PRKCA: variants seen among roughly 807,000 people sequenced by gnomAD.
PRKCA encodes protein kinase C alpha.
PRKCA carries 27 observed loss-of-function variants against 87.0 expected under a neutral mutation model. The ratio of observed to expected loss-of-function variants is 0.31; its 90% CI spans 0.23 to 0.43. PRKCA has a LOEUF of 0.43. Among genes scored for constraint, PRKCA ranks in the 20% least tolerant of loss-of-function variants. The pLI, the probability that PRKCA is intolerant of heterozygous loss-of-function variation, is 1.00. For synonymous variants in PRKCA, 329 were observed against 311.1 expected, an observed-to-expected ratio of 1.06 and a Z score of -0.61; for missense variants, 518 against 852.3, an observed-to-expected ratio of 0.61 and a Z score of 4.88.
intron 2 of PRKCA, among the ~76,000 whole-genome samples, chr17:66,476,880 G>A (rs1395245551): frequency 2.0e-5 from 3 of 152,166 alleles, no homozygotes; most frequent in Non-Finnish European, 4.4e-5. Flanking sequence ...GGAATTACTT[G>A]TAGAGTGGGT....
At chr17:66,402,811 G>T (rs1911114301) in intron 2 of PRKCA, among the ~76,000 whole-genome samples, 1 of 152,224 alleles carries the variant, frequency 6.6e-6, no homozygotes, top group East Asian at 1.9e-4. Context: ...GAAGACACTG[G>T]AAGAGATGGG....
intron 4 of PRKCA, among the ~76,000 whole-genome samples, chr17:66,643,057 T>TA (rs1299810424): frequency 6.6e-6 from 1 of 151,554 alleles, no homozygotes; most frequent in South Asian, 2.1e-4. Flanking sequence ...ACTAGAAAAA[T>TA]AAAAAAAAGA....
chr17:66,578,942 A>G (rs1317780650), intron 3 of PRKCA, among the ~76,000 whole-genome samples: 1 of 152,156 alleles, frequency 6.6e-6, no homozygotes, highest in East Asian at 1.9e-4. Flanking sequence ...ACTGACTCTG[A>G]GAGTGCTCTC....
At chr17:66,487,208 C>G (rs1394199029) in intron 2 of PRKCA, among the ~76,000 whole-genome samples, 5 of 152,142 alleles carry the variant, frequency 3.3e-5, no homozygotes, top group African/African-American at 1.2e-4. Flanking sequence ...TCTTCCCAGC[C>G]TCTACTCGTT....
At chr17:66,590,335 CA>C (rs1969762153) in intron 3 of PRKCA, among the ~76,000 whole-genome samples, 1 of 152,174 alleles carries the variant, frequency 6.6e-6, no homozygotes, top group Non-Finnish European at 1.5e-5. Context: ...AGGTGAGCCA[CA>C]AAACCTCTTG....
chr17:66,665,990 C>T (rs979226498), intron 5 of PRKCA, among the ~76,000 whole-genome samples: 14 of 152,128 alleles, frequency 9.2e-5, no homozygotes, highest in African/African-American at 3.4e-4. Flanking sequence ...CCCTAGAGAC[C>T]AATTCCAATG....
intron 3 of PRKCA, among the ~76,000 whole-genome samples, chr17:66,566,479 G>GTTTTTT (rs368602635): frequency 0.017 from 1,242 of 73,412 alleles, 17 homozygotes; most frequent in South Asian, 0.023. Flanking sequence ...GTTGTTTTTT[G>GTTTTTT]GTTTTTTTTT....
At chr17:66,412,481 G>A (rs1418910508) in intron 2 of PRKCA, among the ~76,000 whole-genome samples, 1 of 152,178 alleles carries the variant, frequency 6.6e-6, no homozygotes, top group African/African-American at 2.4e-5. Context: ...AAGTTAAGGT[G>A]TCACTTCAAG....
At chr17:66,444,281 G>A (rs1470496514) in intron 2 of PRKCA, among the ~76,000 whole-genome samples, 1 of 152,222 alleles carries the variant, frequency 6.6e-6, no homozygotes, top group Non-Finnish European at 1.5e-5. Flanking sequence ...AGGCACTTCA[G>A]ATAGAGAGAA....
intron 16 of PRKCA, among the ~76,000 whole-genome samples, chr17:66,795,979 G>C (rs1234754745): frequency 6.6e-6 from 1 of 152,222 alleles, no homozygotes; most frequent in Non-Finnish European, 1.5e-5. Context: ...CTCCAGAAGA[G>C]AGTTTTCCCT....
chr17:66,497,308 A>T (rs1475122273), intron 3 of PRKCA, among the ~76,000 whole-genome samples: 1 of 151,868 alleles, frequency 6.6e-6, no homozygotes, highest in African/African-American at 2.4e-5. Flanking sequence ...GACCAGCCTG[A>T]CCAACATGGA....
At chr17:66,518,484 A>G (rs1232882036) in intron 3 of PRKCA, among the ~76,000 whole-genome samples, 2 of 152,198 alleles carry the variant, frequency 1.3e-5, no homozygotes, top group Non-Finnish European at 2.9e-5. Context: ...TTAAATAAGT[A>G]TAGTTTATTT....
At chr17:66,431,296 G>T (rs920497219) in intron 2 of PRKCA, among the ~76,000 whole-genome samples, 12 of 152,038 alleles carry the variant, frequency 7.9e-5, no homozygotes, top group African/African-American at 2.7e-4. Flanking sequence ...TATTTATTAG[G>T]GCTATTTAAT....
intron 11 of PRKCA, among the ~76,000 whole-genome samples, chr17:66,740,009 A>C (rs1974123164): frequency 6.6e-6 from 1 of 152,118 alleles, no homozygotes; most frequent in Non-Finnish European, 1.5e-5. Flanking sequence ...CTTGGAGCCA[A>C]AGAGGAATAA....
At chr17:66,484,661 A>G (rs1294947738) in intron 2 of PRKCA, among the ~76,000 whole-genome samples, 1 of 152,206 alleles carries the variant, frequency 6.6e-6, no homozygotes. Flanking sequence ...GCTTTTTATT[A>G]TGTACATTTT....
chr17:66,336,751 A>C (rs562850195), intron 2 of PRKCA, among the ~76,000 whole-genome samples: 1 of 116,430 alleles, frequency 8.6e-6, no homozygotes, highest in African/African-American at 3.4e-5. Context: ...CCTGCAAATA[A>C]GTTTGTGTGT....
intron 2 of PRKCA, among the ~76,000 whole-genome samples, chr17:66,351,459 A>G (rs1907741520): frequency 6.6e-6 from 1 of 152,198 alleles, no homozygotes; most frequent in South Asian, 2.1e-4. Flanking sequence ...GTTTCACCCA[A>G]GGTTTTTAGA....
chr17:66,760,188 T>C (rs1974651123), intron 13 of PRKCA, among the ~76,000 whole-genome samples: 1 of 152,144 alleles, frequency 6.6e-6, no homozygotes, highest in Non-Finnish European at 1.5e-5. Flanking sequence ...AAACTGAAAA[T>C]AATAGAAACC....
At chr17:66,713,045 T>A (rs908091857) in intron 8 of PRKCA, among the ~76,000 whole-genome samples, 1 of 126,196 alleles carries the variant, frequency 7.9e-6, no homozygotes, top group Non-Finnish European at 1.7e-5. Context: ...AACCCTTTGT[T>A]GTCCTTTTTT....
Sources: gnomAD v4.1 joint callset for allele counts (sites outside exome capture counted in the v4.1 genomes callset) on GRCh38, gnomAD v4.1.1 for gene constraint, MANE v1.5 for transcripts, NCBI Gene and HGNC (gene_info 2026-07-23, HGNC 2026-07-21) for gene names.